Variants in ATP2B2 observed in about 807,000 individuals in gnomAD.
ATP2B2 encodes ATPase plasma membrane Ca2+ transporting 2, also known as plasma membrane calcium-transporting ATPase 2.
In ATP2B2, 15 loss-of-function variants were observed where a neutral mutation model predicts 120.0. The ratio of observed to expected loss-of-function variants is 0.12; its 90% CI spans 0.08 to 0.19. The LOEUF (loss-of-function observed/expected upper bound fraction) is 0.19, where lower values mean the gene tolerates loss of function less well. Among genes scored for constraint, ATP2B2 ranks in the 10% least tolerant of loss-of-function variants. The pLI is 1.00. For synonymous variants in ATP2B2, 694 were observed against 700.3 expected (o/e 0.99, Z 0.14); for missense variants, 1,045 against 1,719.8 (o/e 0.61, Z 6.94).
chr3:10,524,516 C>G (rs2067051007), intron 3 of ATP2B2, among the ~76,000 whole-genome samples: 1 of 152,190 alleles, frequency 6.6e-6, no homozygotes, highest in African/African-American at 2.4e-5. Context: ...GATCTGTGCT[C>G]TAACCATTGT....
chr3:10,410,742 C>T lies in ATP2B2; in HGVS notation c.273G>A (p.Lys91=). The T allele has an allele frequency of 1.2e-6, 2 of 1,614,210 alleles. No homozygotes were observed. Among genetic ancestry groups the T allele is most frequent in the Non-Finnish European group, 1.7e-6 (2 of 1,180,042 alleles). ...IFGQNFIPPK[K]PKTFLQLVWE... ...ACACGAGCTGCAGGAAGGTTTTTGG[C>T]TTCTTTGGAGGTATAAAGTTTTGCC... is the stretch of plus-strand genomic sequence containing the variant. Residue 91 remains lysine (K), a synonymous_variant, in exon 3 of 23, where the codon AAG becomes AAA. Coordinates refer to ENST00000360273, the MANE Select transcript of ATP2B2 (RefSeq NM_001001331.4).
chr3:10,579,146 A>C (rs1339169397), intron 2 of ATP2B2, among the ~76,000 whole-genome samples: 2 of 152,220 alleles, frequency 1.3e-5, no homozygotes, highest in South Asian at 4.1e-4. Context: ...GAATGGTACT[A>C]AAGAAGACCA....
At chr3:10,654,348 A>G (rs1401529353) in intron 1 of ATP2B2, among the ~76,000 whole-genome samples, 1 of 152,142 alleles carries the variant, frequency 6.6e-6, no homozygotes, top group African/African-American at 2.4e-5. Flanking sequence ...GCCTACTTAG[A>G]ACCGGACACA....
chr3:10,676,199 G>T (rs542719145), intron 1 of ATP2B2, among the ~76,000 whole-genome samples: 3 of 152,296 alleles, frequency 2.0e-5, no homozygotes, highest in Non-Finnish European at 2.9e-5. Flanking sequence ...GGAGGAAGGA[G>T]AGCAGGATAA....
At chr3:10,388,578 C>A (rs79792305) in intron 5 of ATP2B2, among the ~76,000 whole-genome samples, 176 bp from the exon 6 acceptor site, 1 of 152,184 alleles carries the variant, frequency 6.6e-6, no homozygotes, top group Non-Finnish European at 1.5e-5. Flanking sequence ...GATGCTTTCA[C>A]CTCAGGACAG....
intron 1 of ATP2B2, among the ~76,000 whole-genome samples, chr3:10,682,198 C>T (rs2071400075): frequency 6.6e-6 from 1 of 152,196 alleles, no homozygotes; most frequent in Non-Finnish European, 1.5e-5. Flanking sequence ...ATAAATTTTG[C>T]CATGGACTTT....
rs2062250780 is a variant in ATP2B2 at position 10,402,351 on chromosome 3, G to A, written c.398-3C>T. ...CCCACCCTGGGCCGTCGCACATCCT[G>A]AAAGACCAGATAGAAGCAGGCAGAG... is the stretch of plus-strand genomic sequence containing the variant. On this transcript the variant is annotated splice_region_variant and splice_polypyrimidine_tract_variant and intron_variant, in intron 3 of 22. Transcript: ENST00000360273. The surrounding 1 kb of genome is among the most constrained non-coding windows in gnomAD (Gnocchi z 4.9). The A allele has an allele frequency of 6.2e-7, 1 of 1,612,934 alleles. No homozygotes were observed. The highest frequency in any genetic ancestry group is 1.1e-5 in the South Asian group (1 of 91,088).
intron 10 of ATP2B2, 44 bp downstream of exon 10, chr3:10,378,208 C>A: frequency 6.3e-7 from 1 of 1,591,046 alleles, no homozygotes; most frequent in Non-Finnish European, 8.5e-7. Flanking sequence ...TGCCTGGGGT[C>A]CCCCTGTGAG....
At chr3:10,355,791 C>CTTTGTGCGTGTGTGTGTGTGTGT in intron 14 of ATP2B2, among the ~76,000 whole-genome samples, 13 of 92,598 alleles carry the variant, frequency 1.4e-4, no homozygotes, top group South Asian at 1.9e-3. Flanking sequence ...TTGTCCTTTC[C>CTTTGTGCGTGTGTGTGTGTGTGT]GGCCGGGCGC....
intron 1 of ATP2B2, among the ~76,000 whole-genome samples, chr3:10,671,218 A>G (rs1197774776): frequency 6.6e-6 from 1 of 152,184 alleles, no homozygotes; most frequent in Non-Finnish European, 1.5e-5. Context: ...CAGAGTTGGA[A>G]TGCAACGGGA....
rs768204746 is a variant in ATP2B2 at position 10,360,096 on chromosome 3, G to T, written c.1687C>A (p.Arg563=). 2 of 1,601,558 alleles carry T rather than the reference G, an allele frequency of 1.2e-6. No homozygotes were observed. Among genetic ancestry groups the T allele is most frequent in the Non-Finnish European group, 1.7e-6 (2 of 1,170,626 alleles). The part of the protein sequence containing the change: ...LPPEKEGALP[R]QVGNKTECGL... ...CACTCCGTCTTGTTGCCCACCTGCC[G>T]AGGCAGGGCGCCCTCCTTCTCTGGG... Residue 563 remains arginine (R), a synonymous_variant, in exon 13 of 23, where the codon CGG becomes AGG. Coordinates refer to ENST00000360273, the MANE Select transcript of ATP2B2 (RefSeq NM_001001331.4).
At chr3:10,376,675 G>A (rs2061390235) in intron 10 of ATP2B2, among the ~76,000 whole-genome samples, 1 of 152,212 alleles carries the variant, frequency 6.6e-6, no homozygotes, top group African/African-American at 2.4e-5. Context: ...GGGTCCCCTT[G>A]TTGGGAAGTG....
chr3:10,652,464 C>A (rs900998763), intron 1 of ATP2B2, among the ~76,000 whole-genome samples: 2 of 152,144 alleles, frequency 1.3e-5, no homozygotes, highest in South Asian at 4.1e-4. Context: ...ATTATAACAC[C>A]ATGCATTGAT....
At chr3:10,537,990 C>T (rs917242194) in intron 2 of ATP2B2, among the ~76,000 whole-genome samples, 2 of 152,190 alleles carry the variant, frequency 1.3e-5, no homozygotes. Context: ...CTTGAATAAA[C>T]CCCACTTGGT....
intron 12 of ATP2B2, among the ~76,000 whole-genome samples, chr3:10,361,780 C>T (rs1016931219): frequency 6.6e-6 from 1 of 152,238 alleles, no homozygotes; most frequent in Non-Finnish European, 1.5e-5. Context: ...CTTTCTTCCC[C>T]TGTGTAAACA....
chr3:10,493,674 T>A (rs1036572529), intron 1 of ATP2B2, among the ~76,000 whole-genome samples: 1 of 152,176 alleles, frequency 6.6e-6, no homozygotes, highest in Admixed American at 6.5e-5. Context: ...GGAAGGCCCC[T>A]CCCTTCATCT....
chr3:10,639,739 G>A (rs1347681287), intron 1 of ATP2B2, among the ~76,000 whole-genome samples: 4 of 152,160 alleles, frequency 2.6e-5, no homozygotes, highest in African/African-American at 7.2e-5. Flanking sequence ...GTGGAGGCCG[G>A]TGACTGCTGG....
intron 16 of ATP2B2, among the ~76,000 whole-genome samples, chr3:10,348,885 G>A (rs1007006042): frequency 4.6e-5 from 7 of 152,362 alleles, no homozygotes; most frequent in Admixed American, 1.3e-4. Context: ...GTTATGGAGA[G>A]AATGAGTGAA....
intron 2 of ATP2B2, among the ~76,000 whole-genome samples, chr3:10,583,675 A>G (rs2068442740): frequency 6.6e-6 from 1 of 152,200 alleles, no homozygotes; most frequent in Non-Finnish European, 1.5e-5. Flanking sequence ...CTGTGAGGGA[A>G]TTAATGACTC....
Sources: gnomAD v4.1 joint callset for allele counts (sites outside exome capture counted in the v4.1 genomes callset) on GRCh38, gnomAD v4.1.1 for gene constraint, Gnocchi (gnomAD v3.1) non-coding constraint, MANE v1.5 for transcripts, NCBI Gene and HGNC (gene_info 2026-07-23, HGNC 2026-07-21) for gene names.